C3orf22: variants seen among roughly 807,000 people sequenced by gnomAD.
The protein encoded by C3orf22 is uncharacterized protein C3orf22.
Under a neutral mutation model 10.8 loss-of-function variants are expected in C3orf22, and 7 were observed. That is an observed-to-expected ratio of 0.65 (90% CI 0.37 to 1.22). C3orf22 has a LOEUF of 1.22. C3orf22 is among the 50% of genes most tolerant of loss of function. The probability of loss-of-function intolerance (pLI) is 0.02; values close to 1 mark genes in which losing one functional copy is unlikely to be tolerated. For synonymous variants in C3orf22, 79 were observed against 78.9 expected, an observed-to-expected ratio of 1.00 and a Z score of 0.00; for missense variants, 173 against 177.0, an observed-to-expected ratio of 0.98 and a Z score of 0.13.
At chr3:126,535,561 CAG>C (rs1416619326) in intron 4 of C3orf22, among the ~76,000 whole-genome samples, 1 of 26,654 alleles carries the variant, frequency 3.8e-5, no homozygotes, top group Non-Finnish European at 8.7e-5. Flanking sequence ...AGCCGGGAGA[CAG>C]ACAGACAGAC....
In C3orf22 at chr3:126,552,052, C is replaced by T; in HGVS notation, c.160G>A (p.Val54Met). 1 of 1,613,732 alleles carries T rather than the reference C, an allele frequency of 6.2e-7. No individual in the cohort carries two copies. Among genetic ancestry groups the T allele is most frequent in the Non-Finnish European group, 8.5e-7 (1 of 1,179,846 alleles). Residue 54 changes from valine to methionine, a missense_variant, in exon 3 of 4, where the codon GTG becomes ATG. By Grantham distance (21) the Val-to-Met change is conservative. Coordinates refer to ENST00000318225, the MANE Select transcript of C3orf22 (RefSeq NM_152533.3). Reference sequence around the variant, plus strand: ...AACCTCTTCTGCAGGGGCAGCTGCACCGTGTTCGAGTCGTTTGTGACCTCC... The same window carrying T: ...AACCTCTTCTGCAGGGGCAGCTGCATCGTGTTCGAGTCGTTTGTGACCTCC... ...PWEVTNDSNTVQLPLQKRLVP... is the reference protein window; with the variant it reads ...PWEVTNDSNTMQLPLQKRLVP...
downstream of C3orf22, among the ~76,000 whole-genome samples, chr3:126,545,250 TC>T (rs1937048122): frequency 6.6e-6 from 1 of 152,278 alleles, no homozygotes; most frequent in African/African-American, 2.4e-5. Context: ...CATTTTAACT[TC>T]CTTGAAATTG....
intron 1 of C3orf22, among the ~76,000 whole-genome samples, chr3:126,557,468 T>C (rs894433903): frequency 5.9e-5 from 9 of 152,184 alleles, no homozygotes; most frequent in African/African-American, 2.2e-4. Flanking sequence ...TGCTCGGCAG[T>C]GATCCCATAA....
At chr3:126,551,790 G>A (rs1280422049) in intron 3 of C3orf22, among the ~76,000 whole-genome samples, 2 of 152,246 alleles carry the variant, frequency 1.3e-5, no homozygotes, top group African/African-American at 2.4e-5. Flanking sequence ...CCCAGGGAAG[G>A]TTCTGTGTGC....
intron 4 of C3orf22, chr3:126,529,520 G>T: frequency 3.4e-6 from 2 of 590,092 alleles, no homozygotes; most frequent in Non-Finnish European, 5.1e-6. Context: ...GAGGCCTCGG[G>T]CAAGTTTCTT....
At chr3:126,536,178 T>G in intron 4 of C3orf22, 1 of 968,102 alleles carries the variant, frequency 1.0e-6, no homozygotes, top group Non-Finnish European at 1.6e-6. Context: ...GTGCCAGAGG[T>G]GGGTCAAATG....
At chr3:126,536,896 A>AAACAC (rs1936805529) in intron 4 of C3orf22, among the ~76,000 whole-genome samples, 3 of 140,400 alleles carry the variant, frequency 2.1e-5, no homozygotes, top group African/African-American at 8.0e-5. Context: ...CACACACACA[A>AAACAC]ACACACACAC....
intron 1 of C3orf22, among the ~76,000 whole-genome samples, chr3:126,555,067 G>A (rs1937294708): frequency 6.6e-6 from 1 of 152,228 alleles, no homozygotes; most frequent in African/African-American, 2.4e-5. Context: ...GCTGCTCATG[G>A]CTAGTGCCTG....
intron 1 of C3orf22, among the ~76,000 whole-genome samples, chr3:126,554,664 C>T (rs921153954): frequency 6.6e-6 from 1 of 152,230 alleles, no homozygotes; most frequent in Non-Finnish European, 1.5e-5. Context: ...TTTGTGGCAG[C>T]ATGTCACCTG....
chr3:126,546,991 C>G (rs996472685), downstream of C3orf22, among the ~76,000 whole-genome samples: 2 of 152,212 alleles, frequency 1.3e-5, no homozygotes, highest in African/African-American at 2.4e-5. Flanking sequence ...AGTTTGGATC[C>G]TTTTCTGTGG....
chr3:126,537,149 A>G (rs567749400), intron 4 of C3orf22, among the ~76,000 whole-genome samples: 53 of 152,272 alleles, frequency 3.5e-4, no homozygotes, highest in African/African-American at 1.2e-3. Context: ...CTCTCCTGAG[A>G]GGATCCTAGT....
At chr3:126,539,939 T>G (rs1273803572) in intron 4 of C3orf22, among the ~76,000 whole-genome samples, 1 of 8,034 alleles carries the variant, frequency 1.2e-4, no homozygotes, top group South Asian at 5.2e-3. Flanking sequence ...CCGCCACACA[T>G]GCCACACCTG....
chr3:126,535,010 T>A (rs1186059542), intron 4 of C3orf22, among the ~76,000 whole-genome samples: 1 of 144,552 alleles, frequency 6.9e-6, no homozygotes, highest in African/African-American at 2.6e-5. Context: ...ACAGACAGCA[T>A]CCCTGTCCTC....
At chr3:126,532,948 C>T (rs1306841119) in intron 4 of C3orf22, among the ~76,000 whole-genome samples, 4 of 152,302 alleles carry the variant, frequency 2.6e-5, no homozygotes, top group East Asian at 3.9e-4. Context: ...TCAACGATGT[C>T]TCATGGTTTT....
chr3:126,551,026 T>C (rs1175489259), intron 3 of C3orf22, among the ~76,000 whole-genome samples: 1 of 152,266 alleles, frequency 6.6e-6, no homozygotes, highest in Non-Finnish European at 1.5e-5. Flanking sequence ...CCTGGGGATC[T>C]GATGCTCCTG....
chr3:126,535,372 G>A (rs75865314), intron 4 of C3orf22, among the ~76,000 whole-genome samples: 12 of 131,074 alleles, frequency 9.2e-5, no homozygotes, highest in South Asian at 5.2e-4. Context: ...AGACAGCATC[G>A]CTGTCCCCAG....
chr3:126,551,948 C>A, intron 3 of C3orf22, 49 bp downstream of exon 3: 1 of 1,547,452 alleles, frequency 6.5e-7, no homozygotes, highest in South Asian at 1.2e-5. Flanking sequence ...GAAAGCCAGG[C>A]AGCATGCACA....
intron 1 of C3orf22, among the ~76,000 whole-genome samples, chr3:126,556,394 T>C (rs61281211): frequency 0.031 from 4,756 of 152,184 alleles, 237 homozygotes; most frequent in African/African-American, 0.1. Flanking sequence ...GCTGCAGCCA[T>C]GGTGAGGACA....
Position 126,553,393 on chromosome 3 carries a change from C to A in C3orf22, c.-3G>T, listed in dbSNP as rs775499196. The A allele has an allele frequency of 1.2e-6, 2 of 1,611,778 alleles. No homozygotes were observed. Among genetic ancestry groups the A allele is most frequent in the Admixed American group, 3.3e-5 (2 of 59,906 alleles). Reference sequence around the variant, plus strand: ...TTCTTGCAGGCACTGGAGTCCATCACTGAGTGGGTTAAGCTGAGGCACACC... The same window carrying A: ...TTCTTGCAGGCACTGGAGTCCATCAATGAGTGGGTTAAGCTGAGGCACACC... On this transcript the variant is annotated 5_prime_UTR_variant, in exon 2 of 4. Coordinates refer to ENST00000318225, the MANE Select transcript of C3orf22 (RefSeq NM_152533.3).
Sources: gnomAD v4.1 joint callset for allele counts (sites outside exome capture counted in the v4.1 genomes callset) on GRCh38, gnomAD v4.1.1 for gene constraint, MANE v1.5 for transcripts, NCBI Gene and HGNC (gene_info 2026-07-23, HGNC 2026-07-21) for gene names.